The following PACS1 variants were observed in gnomAD, a reference collection of about 807,000 sequenced individuals.
PACS1 encodes the protein PACS-1.
In PACS1, 24 loss-of-function variants were observed where a neutral mutation model predicts 115.0. The ratio of observed to expected loss-of-function variants is 0.21; its 90% CI spans 0.15 to 0.29. PACS1 has a LOEUF of 0.29. PACS1 is among the 10% of genes least tolerant of loss of function. PACS1 has a pLI of 1.00. For missense variants in PACS1, 838 were observed against 1,251.2 expected, an observed-to-expected ratio of 0.67 and a Z score of 4.98; for synonymous variants, 453 against 504.5, an observed-to-expected ratio of 0.90 and a Z score of 1.37.
At position 66,232,186 on chromosome 11, in the gene PACS1, G is replaced by A; in HGVS notation, c.1641G>A (p.Val547=). ...TGTTCCTGCAGATTCCAAGAAAGGT[G>A]GTGTATGACCAGCTCAATCAGATCC... The part of the protein sequence containing the change: ...LGHSTQIPRK[V]VYDQLNQILV... The change falls in exon 14 of 24, where the codon GTG becomes GTA. Residue 547 remains valine (V), a synonymous_variant. Transcript: ENST00000320580. 1 of 1,611,804 alleles carries A rather than the reference G, an allele frequency of 6.2e-7. No individual in the cohort carries two copies. Among genetic ancestry groups the A allele is most frequent in the East Asian group, 2.2e-5 (1 of 44,874 alleles).
intron 1 of PACS1, among the ~76,000 whole-genome samples, chr11:66,125,322 T>C (rs1288442044): frequency 6.6e-6 from 1 of 152,190 alleles, no homozygotes; most frequent in Non-Finnish European, 1.5e-5. Flanking sequence ...CATCAATTAA[T>C]GCGTAGACCA....
At chr11:66,072,133 ACATGGTGT>A (rs1244426698) in intron 1 of PACS1, among the ~76,000 whole-genome samples, 1 of 152,178 alleles carries the variant, frequency 6.6e-6, no homozygotes, top group African/African-American at 2.4e-5. Flanking sequence ...AAGTTTGTGT[ACATGGTGT>A]CATCCTGTAT....
At position 66,243,505 on chromosome 11, in the gene PACS1, C is replaced by G; in HGVS notation, c.*225C>G. 1.8e-6 allele frequency: 1 copy of G among 569,838 alleles called. No individual in the cohort carries two copies. Among genetic ancestry groups the G allele is most frequent in the South Asian group, 2.1e-5 (1 of 48,004 alleles). 35.3% of individuals were successfully genotyped at this position (569,838 alleles called of 1,614,324 possible). A position where few individuals can be genotyped will look rare whatever the true frequency, so the allele number is the denominator to read the frequency against. ...CCTCCTTCCCGCTTTTCCCCTTCTC[C>G]CTCCTGCTCCAGGCCCAAGGCGTGT... On this transcript the variant is annotated 3_prime_UTR_variant, in exon 24 of 24. Coordinates refer to ENST00000320580, the MANE Select transcript of PACS1 (RefSeq NM_018026.4).
chr11:66,113,360 A>G (rs1420973205), intron 1 of PACS1, among the ~76,000 whole-genome samples: 1 of 152,136 alleles, frequency 6.6e-6, no homozygotes, highest in Non-Finnish European at 1.5e-5. Context: ...ATCAGTTCCA[A>G]CATCCTTTGG....
intron 1 of PACS1, among the ~76,000 whole-genome samples, chr11:66,096,708 G>C (rs1379428433): frequency 6.6e-6 from 1 of 151,548 alleles, no homozygotes; most frequent in Non-Finnish European, 1.5e-5. Context: ...TCTCCATGTT[G>C]GTCAGGCTGG....
intron 2 of PACS1, among the ~76,000 whole-genome samples, chr11:66,208,658 T>TAAAAAAAAAAAAAAAAA: frequency 8.9e-6 from 1 of 112,550 alleles, no homozygotes. Context: ...CTCTTTTTAT[T>TAAAAAAAAAAAAAAAAA]AAAAAAAAAA....
Position 66,100,873 on chromosome 11 carries a change from C to T in PACS1, c.356+30031C>T, listed in dbSNP as rs148162349. 284 of 456,260 alleles carry T rather than the reference C, an allele frequency of 6.2e-4. No homozygotes were observed. The East Asian group carries it at 7.3e-3, about 12-fold the overall frequency. The allele number at this position is 456,260 out of a possible 1,614,324, so 28.3% of individuals were successfully genotyped here. A position where few individuals can be genotyped will look rare whatever the true frequency, so the allele number is the denominator to read the frequency against. ...TCCACGTGGCTGCTTGGCTTCCTCA[C>T]GGTACGGTGGCTGGGTTCCAAGGGC... On this transcript the variant is annotated intron_variant, in intron 1 of 23. Coordinates refer to ENST00000320580, the MANE Select transcript of PACS1 (RefSeq NM_018026.4).
intron 1 of PACS1, among the ~76,000 whole-genome samples, chr11:66,087,570 A>G (rs751379214): frequency 1.4e-4 from 22 of 152,166 alleles, no homozygotes; most frequent in Non-Finnish European, 2.4e-4. Context: ...GCTCAACATT[A>G]TGTTTATGTG....
At chr11:66,122,493 C>T (rs926453714) in intron 1 of PACS1, among the ~76,000 whole-genome samples, 1 of 152,156 alleles carries the variant, frequency 6.6e-6, no homozygotes, top group Non-Finnish European at 1.5e-5. Context: ...GGTAGTGATT[C>T]CTTTCATGGA....
chr11:66,140,719 G>A (rs1347989010), intron 1 of PACS1, among the ~76,000 whole-genome samples: 1 of 151,930 alleles, frequency 6.6e-6, no homozygotes, highest in East Asian at 1.9e-4. Context: ...TTAGTTTCTT[G>A]TGCATCTTTC....
At chr11:66,181,497 A>G (rs1454718850) in intron 1 of PACS1, among the ~76,000 whole-genome samples, 2 of 152,116 alleles carry the variant, frequency 1.3e-5, no homozygotes, top group Non-Finnish European at 2.9e-5. Context: ...TATAGACGTA[A>G]GCCACCCCAC....
At chr11:66,074,153 A>G (rs1857357674) in intron 1 of PACS1, among the ~76,000 whole-genome samples, 2 of 152,070 alleles carry the variant, frequency 1.3e-5, no homozygotes, top group Admixed American at 6.6e-5. Context: ...CACAAAGGAA[A>G]AAGCCCCCAG....
chr11:66,209,762 G>A (rs941376626), intron 2 of PACS1, among the ~76,000 whole-genome samples: 5 of 151,836 alleles, frequency 3.3e-5, no homozygotes, highest in African/African-American at 4.8e-5. Context: ...AAAATTAGCC[G>A]GGCATTGTGG....
At chr11:66,096,030 G>T (rs1020559316) in intron 1 of PACS1, among the ~76,000 whole-genome samples, 1 of 151,298 alleles carries the variant, frequency 6.6e-6, no homozygotes, top group Admixed American at 6.6e-5. Context: ...CACCTCCCAG[G>T]TTGAAGGAAT....
At chr11:66,161,517 CTG>C (rs1230902643) in intron 1 of PACS1, among the ~76,000 whole-genome samples, 1 of 152,040 alleles carries the variant, frequency 6.6e-6, no homozygotes, top group Admixed American at 6.6e-5. Context: ...AGAAAGGAAA[CTG>C]AAGTAGAGCG....
chr11:66,183,050 A>C (rs933470660), intron 1 of PACS1, among the ~76,000 whole-genome samples: 3 of 152,146 alleles, frequency 2.0e-5, no homozygotes, highest in Admixed American at 2.0e-4. Context: ...GAATCACATG[A>C]GCCCAGGAGA....
chr11:66,074,576 T>C (rs12226649), intron 1 of PACS1, among the ~76,000 whole-genome samples: 31,849 of 152,220 alleles, frequency 0.21, 3,432 homozygotes, highest in Middle Eastern at 0.3. Flanking sequence ...AGAGATGAAA[T>C]GTGCTCTGCT....
chr11:66,143,939 C>A (rs571211405), intron 1 of PACS1, among the ~76,000 whole-genome samples: 1 of 152,210 alleles, frequency 6.6e-6, no homozygotes, highest in African/African-American at 2.4e-5. Flanking sequence ...TGCACCTGGC[C>A]CCTGTTGAAG....
chr11:66,125,083 G>C (rs1858539375), intron 1 of PACS1, among the ~76,000 whole-genome samples: 1 of 152,204 alleles, frequency 6.6e-6, no homozygotes, highest in African/African-American at 2.4e-5. Flanking sequence ...GAATAATGCT[G>C]CTATGAACAT....
Sources: gnomAD v4.1 joint callset for allele counts (sites outside exome capture counted in the v4.1 genomes callset) on GRCh38, gnomAD v4.1.1 for gene constraint, MANE v1.5 for transcripts, NCBI Gene and HGNC (gene_info 2026-07-23, HGNC 2026-07-21) for gene names.